The following VWC2 variants were observed in gnomAD, a reference collection of about 807,000 sequenced individuals.
The protein encoded by VWC2 is von Willebrand factor C domain containing 2.
A neutral mutation model predicts 29.8 loss-of-function variants in VWC2; 14 were observed. That is an observed-to-expected ratio of 0.47 (90% CI 0.31 to 0.74). The LOEUF (loss-of-function observed/expected upper bound fraction) is 0.74. VWC2 is among the 30% of genes least tolerant of loss of function. The pLI is 0.05. For missense variants in VWC2, 457 were observed against 459.8 expected (o/e 0.99, Z 0.05); for synonymous variants, 213 against 199.0 (o/e 1.07, Z -0.59).
At chr7:49,888,897 G>A (rs1267104643) in intron 3 of VWC2, among the ~76,000 whole-genome samples, 1 of 151,978 alleles carries the variant, frequency 6.6e-6, no homozygotes, top group African/African-American at 2.4e-5. Context: ...GGGGACAAGA[G>A]CGAGACTTCA....
intron 3 of VWC2, among the ~76,000 whole-genome samples, chr7:49,896,800 G>A (rs1408420757): frequency 6.6e-6 from 1 of 150,928 alleles, no homozygotes; most frequent in Non-Finnish European, 1.5e-5. Flanking sequence ...TGTAGACAAA[G>A]TCCTCAAAAA....
chr7:49,882,762 A>G (rs1189818447), intron 3 of VWC2, among the ~76,000 whole-genome samples: 1 of 152,210 alleles, frequency 6.6e-6, no homozygotes, highest in Non-Finnish European at 1.5e-5. Flanking sequence ...AATTGTATTT[A>G]AAAGAATCTG....
chr7:49,841,302 C>T lies in VWC2; in HGVS notation c.826+38462C>T, dbSNP rs116727819. On this transcript the variant is annotated intron_variant, in intron 3 of 3. Transcript: ENST00000340652. ...TTGCTGAAACAGCCTAAGATGTTTA[C>T]ACATTACTTTTTTTTTTTTTTTTAA... Among the ~76,000 whole-genome samples, 890 of 132,804 alleles carry T rather than the reference C, an allele frequency of 6.7e-3. 12 individuals are homozygous for T. The highest frequency in any genetic ancestry group is 0.024 in the African/African-American group (847 of 35,416). The allele number at this position is 132,804 out of a possible 152,430, so 87.1% of individuals were successfully genotyped here.
intron 3 of VWC2, among the ~76,000 whole-genome samples, chr7:49,867,118 T>C (rs1225433003): frequency 6.6e-6 from 1 of 152,188 alleles, no homozygotes; most frequent in Non-Finnish European, 1.5e-5. Flanking sequence ...CCTGCAGCTA[T>C]GTGGGGAGCC....
intron 3 of VWC2, among the ~76,000 whole-genome samples, chr7:49,826,565 A>C (rs2128710467): frequency 6.6e-6 from 1 of 152,324 alleles, no homozygotes; most frequent in African/African-American, 2.4e-5. Flanking sequence ...AAAAAATTTC[A>C]GTAGAAAAAA....
At chr7:49,808,470 A>G (rs758339319) in intron 3 of VWC2, among the ~76,000 whole-genome samples, 1 of 152,050 alleles carries the variant, frequency 6.6e-6, no homozygotes, top group African/African-American at 2.4e-5. Context: ...ATTCCTAGAA[A>G]ATCTAGACAG....
At chr7:49,783,850 G>A (rs1443383451) in intron 2 of VWC2, among the ~76,000 whole-genome samples, 1 of 151,852 alleles carries the variant, frequency 6.6e-6, no homozygotes, top group East Asian at 1.9e-4. Flanking sequence ...AGGAGTTTAA[G>A]ACCAGCCTGT....
intron 3 of VWC2, among the ~76,000 whole-genome samples, chr7:49,883,213 G>A (rs1006569967): frequency 2.6e-5 from 4 of 152,050 alleles, no homozygotes; most frequent in Admixed American, 1.3e-4. Context: ...CGACTGACCC[G>A]AACCTGCCAA....
chr7:49,849,650 A>G (rs534188084), intron 3 of VWC2, among the ~76,000 whole-genome samples: 138 of 152,244 alleles, frequency 9.1e-4, no homozygotes, highest in Non-Finnish European at 1.8e-3. Flanking sequence ...GATAGAGTCT[A>G]ACGCTGGGTG....
chr7:49,785,595 G>T (rs1470620926), intron 2 of VWC2, among the ~76,000 whole-genome samples: 2 of 152,160 alleles, frequency 1.3e-5, no homozygotes, highest in East Asian at 1.9e-4. Flanking sequence ...TATAGAGACT[G>T]CAGAACAACA....
At chr7:49,787,978 G>A (rs1328605939) in intron 2 of VWC2, among the ~76,000 whole-genome samples, 1 of 152,220 alleles carries the variant, frequency 6.6e-6, no homozygotes, top group Non-Finnish European at 1.5e-5. Flanking sequence ...GTCCCTTTCT[G>A]TGTGAGTGAG....
At chr7:49,898,050 A>G (rs1419988763) in intron 3 of VWC2, among the ~76,000 whole-genome samples, 1 of 152,200 alleles carries the variant, frequency 6.6e-6, no homozygotes, top group Non-Finnish European at 1.5e-5. Context: ...CTGGGTGAAG[A>G]GAAATACTCA....
chr7:49,810,653 C>T (rs1172311364), intron 3 of VWC2, among the ~76,000 whole-genome samples: 2 of 152,072 alleles, frequency 1.3e-5, no homozygotes, highest in African/African-American at 4.8e-5. Flanking sequence ...ATCAAGATAC[C>T]ATGGTATTGG....
intron 2 of VWC2, among the ~76,000 whole-genome samples, chr7:49,788,827 T>C (rs1488718030): frequency 2.1e-5 from 3 of 142,646 alleles, no homozygotes; most frequent in Non-Finnish European, 4.6e-5. Flanking sequence ...AGAGTGGATA[T>C]GTGGGTATGA....
chr7:49,794,975 C>A (rs1788552401), intron 2 of VWC2, among the ~76,000 whole-genome samples: 1 of 152,210 alleles, frequency 6.6e-6, no homozygotes, highest in Non-Finnish European at 1.5e-5. Flanking sequence ...ACATTTTCAG[C>A]CATTTTGTTA....
At chr7:49,783,314 T>C (rs1450411060) in intron 2 of VWC2, among the ~76,000 whole-genome samples, 1 of 152,004 alleles carries the variant, frequency 6.6e-6, no homozygotes, top group Non-Finnish European at 1.5e-5. Flanking sequence ...AGAGCTTGGG[T>C]CAGGGGGTCA....
intron 2 of VWC2, among the ~76,000 whole-genome samples, chr7:49,793,948 G>C (rs368220460): frequency 1.3e-5 from 2 of 152,304 alleles, no homozygotes; most frequent in African/African-American, 4.8e-5. Flanking sequence ...CACCTGTAGG[G>C]GTACCTGCAA....
At chr7:49,804,451 C>T (rs1401908107) in intron 3 of VWC2, among the ~76,000 whole-genome samples, 1 of 152,154 alleles carries the variant, frequency 6.6e-6, no homozygotes, top group African/African-American at 2.4e-5. Flanking sequence ...ACGACAACAA[C>T]TCTCACTGCG....
At chr7:49,789,370 TGTGA>T (rs1788412579) in intron 2 of VWC2, among the ~76,000 whole-genome samples, 2 of 151,768 alleles carry the variant, frequency 1.3e-5, no homozygotes, top group African/African-American at 2.4e-5. Context: ...TGTGTGTGAG[TGTGA>T]GTGTGTGTAT....
Sources: gnomAD v4.1 joint callset for allele counts (sites outside exome capture counted in the v4.1 genomes callset) on GRCh38, gnomAD v4.1.1 for gene constraint, MANE v1.5 for transcripts, NCBI Gene and HGNC (gene_info 2026-07-23, HGNC 2026-07-21) for gene names.